COL19A1: variants seen among roughly 807,000 people sequenced by gnomAD.
COL19A1 encodes collagen alpha-1(XIX) chain.
Under a neutral mutation model 190.2 loss-of-function variants are expected in COL19A1, and 159 were observed. The observed-to-expected ratio is 0.84, with a 90% CI of 0.73 to 0.95. The LOEUF (loss-of-function observed/expected upper bound fraction) is 0.95. Among genes scored for constraint, COL19A1 ranks in the 40% least tolerant of loss-of-function variants. The pLI is 0.00. For synonymous variants in COL19A1, 509 were observed against 458.9 expected, an observed-to-expected ratio of 1.11 and a Z score of -1.39; for missense variants, 1,418 against 1,431.9, an observed-to-expected ratio of 0.99 and a Z score of 0.16.
rs568194065 is a variant in COL19A1, at chr6:70,146,552, T to C, written c.1771-107T>C. ...TTCCTTATTCTTTTATAGAAAAAGA[T>C]TTATTCAAGCAAGATGAAGAGTGAT... On this transcript the variant is annotated intron_variant, in intron 25 of 50. Coordinates refer to ENST00000620364, the MANE Select transcript of COL19A1 (RefSeq NM_001858.6). 25 of 735,118 alleles carry C rather than the reference T, an allele frequency of 3.4e-5. No homozygotes were observed. In the African/African-American group the frequency reaches 4.0e-4, roughly 12 times the overall value. 45.5% of individuals were successfully genotyped at this position (735,118 alleles called of 1,614,324 possible). A position where few individuals can be genotyped will look rare whatever the true frequency, so the allele number is the denominator to read the frequency against.
chr6:70,061,736 A>G (rs1031358060), intron 14 of COL19A1, among the ~76,000 whole-genome samples: 3 of 152,096 alleles, frequency 2.0e-5, no homozygotes, highest in Admixed American at 6.6e-5. Context: ...CATTTGGATG[A>G]ATATCAAAAA....
intron 4 of COL19A1, among the ~76,000 whole-genome samples, chr6:69,903,793 G>A (rs1230086561): frequency 2.0e-5 from 3 of 152,192 alleles, no homozygotes; most frequent in African/African-American, 4.8e-5. Flanking sequence ...TCAACTACCT[G>A]TAGGGCTTAT....
intron 34 of COL19A1, 91 bp downstream of exon 34, chr6:70,156,814 G>C (rs1464671207): frequency 1.1e-6 from 1 of 917,286 alleles, no homozygotes; most frequent in Admixed American, 2.4e-5. Flanking sequence ...CTATAGCTCA[G>C]ATCTGATGCT....
chr6:69,940,768 T>A (rs573326918), intron 9 of COL19A1, among the ~76,000 whole-genome samples: 2 of 152,276 alleles, frequency 1.3e-5, no homozygotes, highest in Non-Finnish European at 2.9e-5. Flanking sequence ...AACCAACATA[T>A]GCTCTGCCTT....
rs561959266 is a variant in COL19A1, at chr6:69,974,561, G to T, written c.1026+11691G>T. Among the ~76,000 whole-genome samples, 8 of 152,300 alleles carry T rather than the reference G, an allele frequency of 5.3e-5. No individual in the cohort carries two copies. In the South Asian group the frequency reaches 1.7e-3, roughly 32 times the overall value. ...TCAAGGATTCTTCCTTAAGTTAGTG[G>T]AAAGTTAGGAAGTTATCTAAATTGA... is the stretch of plus-strand genomic sequence containing the variant. On this transcript the variant is annotated intron_variant, in intron 11 of 50. Coordinates refer to ENST00000620364, the MANE Select transcript of COL19A1 (RefSeq NM_001858.6).
At chr6:70,083,415 G>A (rs552357250) in intron 15 of COL19A1, among the ~76,000 whole-genome samples, 17 of 151,892 alleles carry the variant, frequency 1.1e-4, no homozygotes, top group African/African-American at 3.6e-4. Flanking sequence ...AATATACACT[G>A]GAATTTATAC....
At chr6:69,869,650 G>A (rs1237775440) in intron 1 of COL19A1, among the ~76,000 whole-genome samples, 1 of 152,152 alleles carries the variant, frequency 6.6e-6, no homozygotes, top group African/African-American at 2.4e-5. Context: ...TATATCTGTG[G>A]AACACAACAG....
chr6:70,116,568 C>T (rs143404276), intron 16 of COL19A1, among the ~76,000 whole-genome samples: 13 of 152,248 alleles, frequency 8.5e-5, no homozygotes, highest in Non-Finnish European at 1.9e-4. Context: ...GAGAAAAACT[C>T]ATTTGACATT....
intron 16 of COL19A1, among the ~76,000 whole-genome samples, chr6:70,115,036 A>G (rs1341211856): frequency 2.0e-5 from 3 of 152,162 alleles, no homozygotes; most frequent in Non-Finnish European, 4.4e-5. Context: ...CTTGGCTCAC[A>G]AGTCATTTCT....
chr6:70,102,816 ACT>A (rs763688779), intron 16 of COL19A1, among the ~76,000 whole-genome samples: 5 of 150,296 alleles, frequency 3.3e-5, no homozygotes, highest in African/African-American at 4.9e-5. Flanking sequence ...CTGACACTGC[ACT>A]CTCTGTGGTC....
chr6:69,962,951 T>C, intron 11 of COL19A1, 81 bp downstream of exon 11: 3 of 1,111,128 alleles, frequency 2.7e-6, no homozygotes, highest in Middle Eastern at 5.2e-4. Flanking sequence ...TTAACTTGTT[T>C]TGTGCATTCC....
At chr6:70,172,912 G>T (rs802184) in intron 41 of COL19A1, among the ~76,000 whole-genome samples, 115,912 of 152,126 alleles carry the variant, frequency 0.76, 45,020 homozygotes, top group African/African-American at 0.91. Context: ...CAGGTGCCAG[G>T]TGATGCTGGC....
intron 4 of COL19A1, among the ~76,000 whole-genome samples, chr6:69,914,353 A>T (rs941163360): frequency 3.9e-5 from 6 of 152,192 alleles, no homozygotes; most frequent in African/African-American, 1.4e-4. Context: ...CTGACAGGTG[A>T]TGGTGGGTGT....
intron 4 of COL19A1, among the ~76,000 whole-genome samples, chr6:69,902,755 A>AC (rs1211911293): frequency 6.6e-6 from 1 of 152,160 alleles, no homozygotes. Context: ...CCATTCCCCT[A>AC]CCAACGGTTA....
rs571909119 is a variant in COL19A1 at position 69,951,229 on chromosome 6, C to G, written c.937-8767C>G. Among the ~76,000 whole-genome samples the G allele has an allele frequency of 2.0e-5, 3 of 151,986 alleles. No individual in the cohort carries two copies. In the South Asian group the frequency reaches 6.2e-4, roughly 32 times the overall value. ...CAAAATCTTACTCTCTAATTTAGAG[C>G]ATGACACTTGGTCTCTCTAAATGTC... On this transcript the variant is annotated intron_variant, in intron 9 of 50. Transcript: ENST00000620364.
At chr6:70,174,993 C>T (rs1041908962) in intron 41 of COL19A1, among the ~76,000 whole-genome samples, 1 of 151,972 alleles carries the variant, frequency 6.6e-6, no homozygotes, top group Non-Finnish European at 1.5e-5. Flanking sequence ...TAAGTTCATT[C>T]GAGAATAGTG....
intron 12 of COL19A1, among the ~76,000 whole-genome samples, chr6:70,028,038 G>A (rs1241888802): frequency 6.6e-6 from 1 of 152,038 alleles, no homozygotes; most frequent in Non-Finnish European, 1.5e-5. Flanking sequence ...ACCACGGAAT[G>A]ATAATTTCAA....
In COL19A1 at chr6:70,055,797, A is replaced by AT. The variant is rs1562125704; in HGVS notation, c.1171-12626_1171-12625insT. 2.6e-3 allele frequency among the ~76,000 whole-genome samples: 388 copies of AT among 151,652 alleles called. 3 individuals are homozygous for AT. Among genetic ancestry groups the AT allele is most frequent in the African/African-American group, 7.4e-3 (306 of 41,294 alleles). On this transcript the variant is annotated intron_variant, in intron 14 of 50. Coordinates refer to ENST00000620364, the MANE Select transcript of COL19A1 (RefSeq NM_001858.6). Reference sequence around the variant, plus strand: ...ACTCTGTATTAAAAAAAAAAAAAAAAAAAAAAAATTCACATTTTAATGACT... The same window carrying AT: ...ACTCTGTATTAAAAAAAAAAAAAAAATAAAAAAAATTCACATTTTAATGACT...
chr6:70,201,132 C>G (rs975690660), intron 49 of COL19A1, among the ~76,000 whole-genome samples: 3 of 152,076 alleles, frequency 2.0e-5, no homozygotes, highest in Non-Finnish European at 4.4e-5. Context: ...CCTCAAGCCA[C>G]GTGAAGAATA....
Sources: gnomAD v4.1 joint callset for allele counts (sites outside exome capture counted in the v4.1 genomes callset) on GRCh38, gnomAD v4.1.1 for gene constraint, MANE v1.5 for transcripts, NCBI Gene and HGNC (gene_info 2026-07-23, HGNC 2026-07-21) for gene names.